Variants in TGFBR1 observed in about 807,000 individuals in gnomAD.
TGFBR1 encodes transforming growth factor beta receptor 1, also known as TGF-beta receptor type-1.
A neutral mutation model predicts 55.1 loss-of-function variants in TGFBR1; 20 were observed. The ratio of observed to expected loss-of-function variants is 0.36; its 90% CI spans 0.26 to 0.53. The LOEUF is 0.53. Among genes scored for constraint, TGFBR1 ranks in the 20% least tolerant of loss-of-function variants. TGFBR1 has a pLI of 0.91. For missense variants in TGFBR1, 385 were observed against 617.6 expected, an observed-to-expected ratio of 0.62 and a Z score of 3.99; for synonymous variants, 220 against 214.8, an observed-to-expected ratio of 1.02 and a Z score of -0.21.
chr9:99,142,657 G>A lies in TGFBR1; in HGVS notation c.927G>A (p.Thr309=), dbSNP rs201323409. ...GAATGATAAAACTTGCTCTGTCCACGGCGAGCGGTCTTGCCCATCTTCACA... is the reference window on the plus strand; with the variant it reads ...GAATGATAAAACTTGCTCTGTCCACAGCGAGCGGTCTTGCCCATCTTCACA... ...VEGMIKLALS[T]ASGLAHLHME... The change falls in exon 5 of 9, where the codon ACG becomes ACA. Residue 309 remains threonine, a synonymous_variant. Transcript: ENST00000374994. 1.2e-5 allele frequency: 19 copies of A among 1,613,920 alleles called. 1 individual carries two copies. The highest frequency in any genetic ancestry group is 1.6e-4 in the Middle Eastern group (1 of 6,078).
chr9:99,142,430 A>G, intron 4 of TGFBR1, 106 bp from the exon 5 acceptor site: 1 of 1,208,254 alleles, frequency 8.3e-7, no homozygotes, highest in Non-Finnish European at 1.2e-6. Flanking sequence ...AGGTGGCATT[A>G]TATTGCAGTG....
intron 1 of TGFBR1, among the ~76,000 whole-genome samples, chr9:99,124,700 C>A (rs1048151204): frequency 1.3e-5 from 2 of 152,084 alleles, no homozygotes; most frequent in Non-Finnish European, 2.9e-5. Flanking sequence ...TCAAGACTGA[C>A]TTCAAGTGGT....
intron 1 of TGFBR1, among the ~76,000 whole-genome samples, chr9:99,108,976 AG>A (rs1826489280): frequency 6.6e-6 from 1 of 152,212 alleles, no homozygotes; most frequent in Non-Finnish European, 1.5e-5. Flanking sequence ...AGGGTGGCAC[AG>A]GGGCAGAACA....
At chr9:99,111,295 C>CT (rs3034196) in intron 1 of TGFBR1, among the ~76,000 whole-genome samples, 3,141 of 55,086 alleles carry the variant, frequency 0.057, 807 homozygotes, top group Non-Finnish European at 0.074. Context: ...TGCACCCATG[C>CT]TTTTTTTTTT....
intron 4 of TGFBR1, among the ~76,000 whole-genome samples, chr9:99,139,946 A>C (rs1045872760): frequency 6.6e-6 from 1 of 152,100 alleles, no homozygotes; most frequent in African/African-American, 2.4e-5. Flanking sequence ...TTGTTCTTCT[A>C]TCTTTTCTGA....
chr9:99,147,710 G>T lies in TGFBR1; in HGVS notation c.1312G>T (p.Val438Phe). Residue 438 changes from valine to phenylalanine, a missense_variant, in exon 8 of 9, where the codon GTT (valine) becomes TTT (phenylalanine). By Grantham distance (50) the Val-to-Phe change is conservative. Coordinates refer to ENST00000374994, the MANE Select transcript of TGFBR1 (RefSeq NM_004612.4). ...TGATCTTGTACCTTCTGACCCATCA[G>T]TTGAAGAAATGAGAAAAGTTGTTTG... ...YYDLVPSDPS[V>F]EEMRKVVCEQ... The T allele has an allele frequency of 6.2e-7, 1 of 1,613,780 alleles. No individual in the cohort carries two copies. Among genetic ancestry groups the T allele is most frequent in the East Asian group, 2.2e-5 (1 of 44,850 alleles).
chr9:99,152,918 A>G lies in TGFBR1; in HGVS notation c.*3613A>G, dbSNP rs564200861. ...GATTGTCAGTACATTAAACTTTTCA[A>G]TCCCATTATGCAATCTTGTTTGTAA... On this transcript the variant is annotated 3_prime_UTR_variant, in exon 9 of 9. Transcript: ENST00000374994. 4.3e-5 allele frequency: 10 copies of G among 230,502 alleles called. No individual in the cohort carries two copies. The highest frequency in any genetic ancestry group is 1.1e-4 in the African/African-American group (5 of 45,198). The allele number at this position is 230,502 out of a possible 1,614,324, so 14.3% of individuals were successfully genotyped here.
In TGFBR1 at chr9:99,138,099, A is replaced by G. The variant is rs1588585657; in HGVS notation, c.805+10A>G. 1.2e-6 allele frequency: 2 copies of G among 1,610,214 alleles called. No individual in the cohort carries two copies. Among genetic ancestry groups the G allele is most frequent in the Non-Finnish European group, 1.7e-6 (2 of 1,176,558 alleles). On this transcript the variant is annotated intron_variant, in intron 4 of 8. Transcript: ENST00000374994. ...GCAGCAGACAATAAAGGTCTGTAAC[A>G]TTTGCTTTTCCTTATGTTATATATA...
intron 1 of TGFBR1, among the ~76,000 whole-genome samples, chr9:99,109,293 A>G (rs559466273): frequency 3.9e-5 from 6 of 152,308 alleles, no homozygotes; most frequent in South Asian, 2.1e-4. Context: ...GTAGGCCTAT[A>G]GTAGTTTGGA....
intron 1 of TGFBR1, among the ~76,000 whole-genome samples, chr9:99,113,124 A>G (rs1317710660): frequency 6.6e-6 from 1 of 152,198 alleles, no homozygotes. Context: ...AAAGATGTAT[A>G]TATTCAGAAT....
Position 99,105,343 on chromosome 9 carries a change from G to T in TGFBR1, c.97+41G>T, listed in dbSNP as rs1049342446. ...GCGGGCGGGCGACTGCGGGGCGCGC[G>T]GGCCGGACCCGGCCTCTGGCTCGCT... On this transcript the variant is annotated intron_variant, in intron 1 of 8. Transcript: ENST00000374994. The T allele has an allele frequency of 2.3e-5, 23 of 979,874 alleles. No homozygotes were observed. In the African/African-American group the frequency reaches 3.7e-4, roughly 16 times the overall value. 60.7% of individuals were successfully genotyped at this position (979,874 alleles called of 1,614,324 possible). A position where few individuals can be genotyped will look rare whatever the true frequency, so the allele number is the denominator to read the frequency against.
At position 99,146,590 on chromosome 9, in the gene TGFBR1, T is replaced by G. The variant is rs895357571; in HGVS notation, c.1236T>G (p.Ala412=). The change falls in exon 7 of 9, where the codon GCT becomes GCG. Residue 412 remains alanine, a synonymous_variant. Coordinates refer to ENST00000374994, the MANE Select transcript of TGFBR1 (RefSeq NM_004612.4). The part of the protein sequence containing the change: ...YAMGLVFWEI[A]RRCSIGGIHE... Reference sequence around the variant, plus strand: ...TGGGCTTAGTATTCTGGGAAATTGCTCGACGATGTTCCATTGGTGGTAAAT... The same window carrying G: ...TGGGCTTAGTATTCTGGGAAATTGCGCGACGATGTTCCATTGGTGGTAAAT... 6 of 1,613,876 alleles carry G rather than the reference T, an allele frequency of 3.7e-6. No homozygotes were observed. The Admixed American group carries it at 5.0e-5, about 13-fold the overall frequency.
At position 99,152,599 on chromosome 9, in the gene TGFBR1, G is replaced by A. The variant is rs1828008374; in HGVS notation, c.*3294G>A. The A allele has an allele frequency of 4.4e-6, 1 of 228,908 alleles. No homozygotes were observed. Among genetic ancestry groups the A allele is most frequent in the Non-Finnish European group, 8.7e-6 (1 of 115,186 alleles). The allele number at this position is 228,908 out of a possible 1,614,324, so 14.2% of individuals were successfully genotyped here. On this transcript the variant is annotated 3_prime_UTR_variant, in exon 9 of 9. Transcript: ENST00000374994. ...AAACAAGATGGCAAAGAGATCGTTA[G>A]AGTGCACAACAAAATCACTATCCCA... is the stretch of plus-strand genomic sequence containing the variant.
At chr9:99,119,331 A>T (rs1217119045) in intron 1 of TGFBR1, among the ~76,000 whole-genome samples, 1 of 152,164 alleles carries the variant, frequency 6.6e-6, no homozygotes. Flanking sequence ...CAGGATGATC[A>T]GCCACTTTCA....
At position 99,121,387 on chromosome 9, in the gene TGFBR1, C is replaced by T. The variant is rs549499305; in HGVS notation, c.98-7468C>T. On this transcript the variant is annotated intron_variant, in intron 1 of 8. Transcript: ENST00000374994. ...TTTTAGCCATGTATACAGAGATAAGCAACATATTTAATAAAAAGAAAAGGA... is the reference window on the plus strand; with the variant it reads ...TTTTAGCCATGTATACAGAGATAAGTAACATATTTAATAAAAAGAAAAGGA... Among the ~76,000 whole-genome samples the T allele has an allele frequency of 3.3e-3, 504 of 151,990 alleles. 1 individual carries two copies. The highest frequency in any genetic ancestry group is 0.011 in the African/African-American group (470 of 41,450).
intron 2 of TGFBR1, among the ~76,000 whole-genome samples, chr9:99,131,839 A>G (rs539643664): frequency 6.6e-6 from 1 of 151,918 alleles, no homozygotes; most frequent in Non-Finnish European, 1.5e-5. Flanking sequence ...GTGGTGGCAC[A>G]TGCCTGTAAT....
chr9:99,121,015 A>C (rs746923685), intron 1 of TGFBR1, among the ~76,000 whole-genome samples: 1 of 152,240 alleles, frequency 6.6e-6, no homozygotes, highest in African/African-American at 2.4e-5. Flanking sequence ...AAATGAAGAT[A>C]ATGTGGAAAA....
At chr9:99,112,161 G>A (rs958856431) in intron 1 of TGFBR1, among the ~76,000 whole-genome samples, 19 of 152,190 alleles carry the variant, frequency 1.2e-4, no homozygotes, top group Admixed American at 1.2e-3. Flanking sequence ...TAATTGTGCC[G>A]CAGAGGGAAT....
chr9:99,149,549 A>G lies in TGFBR1; in HGVS notation c.*244A>G, dbSNP rs560210246. On this transcript the variant is annotated 3_prime_UTR_variant, in exon 9 of 9. Coordinates refer to ENST00000374994, the MANE Select transcript of TGFBR1 (RefSeq NM_004612.4). Reference sequence around the variant, plus strand: ...GACAGAAAATGTGTAGTCTACCTTTATTTTTTATTAACAAAACTTGTTTTT... The same window carrying G: ...GACAGAAAATGTGTAGTCTACCTTTGTTTTTTATTAACAAAACTTGTTTTT... 95 of 468,276 alleles carry G rather than the reference A, an allele frequency of 2.0e-4. No individual in the cohort carries two copies. Among genetic ancestry groups the G allele is most frequent in the African/African-American group, 1.5e-3 (77 of 51,560 alleles). The allele number at this position is 468,276 out of a possible 1,614,324, so 29.0% of individuals were successfully genotyped here. A position where few individuals can be genotyped will look rare whatever the true frequency, so the allele number is the denominator to read the frequency against.
Sources: gnomAD v4.1 joint callset for allele counts (sites outside exome capture counted in the v4.1 genomes callset) on GRCh38, gnomAD v4.1.1 for gene constraint, MANE v1.5 for transcripts, NCBI Gene and HGNC (gene_info 2026-07-23, HGNC 2026-07-21) for gene names.